LRFN5: variants seen among roughly 807,000 people sequenced by gnomAD.
LRFN5 encodes the protein leucine-rich repeat and fibronectin type-III domain-containing protein 5.
A neutral mutation model predicts 45.6 loss-of-function variants in LRFN5; 24 were observed. The observed-to-expected ratio is 0.53, with a 90% CI of 0.38 to 0.74. LRFN5 has a LOEUF of 0.74. LRFN5 is among the 30% of genes least tolerant of loss of function. The pLI is 0.00. For synonymous variants in LRFN5, 340 were observed against 313.8 expected (o/e 1.08, Z -0.88); for missense variants, 776 against 861.5 (o/e 0.90, Z 1.24).
intron 1 of LRFN5, among the ~76,000 whole-genome samples, chr14:41,626,590 T>A (rs1888342084): frequency 6.6e-6 from 1 of 152,068 alleles, no homozygotes; most frequent in East Asian, 1.9e-4. Flanking sequence ...ATTTGGGGGC[T>A]CTATTTATGT....
intron 1 of LRFN5, among the ~76,000 whole-genome samples, chr14:41,654,040 G>C (rs747789744): frequency 2.0e-5 from 3 of 151,982 alleles, no homozygotes; most frequent in Non-Finnish European, 4.4e-5. Context: ...ACACACCAGG[G>C]CCTGTCGTGG....
intron 2 of LRFN5, among the ~76,000 whole-genome samples, chr14:41,808,144 T>C (rs543121345): frequency 2.7e-5 from 4 of 147,716 alleles, no homozygotes; most frequent in African/African-American, 1.0e-4. Context: ...TTATATGTTA[T>C]ATGTTAAGAA....
intron 2 of LRFN5, among the ~76,000 whole-genome samples, chr14:41,812,396 T>C (rs1322851871): frequency 6.6e-6 from 1 of 151,990 alleles, no homozygotes; most frequent in East Asian, 1.9e-4. Context: ...CTGGGAATTG[T>C]GATAAACTAA....
chr14:41,642,792 T>G (rs1480984000), intron 1 of LRFN5, among the ~76,000 whole-genome samples: 1 of 152,188 alleles, frequency 6.6e-6, no homozygotes, highest in Non-Finnish European at 1.5e-5. Context: ...TTTCTTAACA[T>G]ATTGAACTGT....
At chr14:41,719,451 T>C (rs1365674650) in intron 1 of LRFN5, among the ~76,000 whole-genome samples, 1 of 152,034 alleles carries the variant, frequency 6.6e-6, no homozygotes, top group Non-Finnish European at 1.5e-5. Context: ...TTTTAAGAAA[T>C]TGTTGTTGAA....
intron 1 of LRFN5, among the ~76,000 whole-genome samples, chr14:41,673,634 C>A (rs1402996080): frequency 6.8e-6 from 1 of 147,498 alleles, no homozygotes; most frequent in Non-Finnish European, 1.5e-5. Context: ...GACCCCCCCA[C>A]CTCCCTCCCG....
At chr14:41,736,424 A>T (rs1313162295) in intron 1 of LRFN5, among the ~76,000 whole-genome samples, 2 of 152,122 alleles carry the variant, frequency 1.3e-5, no homozygotes, top group African/African-American at 4.8e-5. Flanking sequence ...GTGTCTGTTC[A>T]CATCCTTTGC....
chr14:41,648,451 G>A (rs1401463108), intron 1 of LRFN5, among the ~76,000 whole-genome samples: 1 of 151,960 alleles, frequency 6.6e-6, no homozygotes, highest in Non-Finnish European at 1.5e-5. Flanking sequence ...GCAACCAAGC[G>A]AGACTTTTGT....
chr14:41,867,543 G>T (rs575508184), intron 2 of LRFN5, among the ~76,000 whole-genome samples: 7 of 152,160 alleles, frequency 4.6e-5, no homozygotes, highest in Middle Eastern at 3.4e-3. Flanking sequence ...TGCCAATTAA[G>T]TTTTGTTTTG....
At chr14:41,659,981 T>A (rs1880569087) in intron 1 of LRFN5, among the ~76,000 whole-genome samples, 1 of 151,792 alleles carries the variant, frequency 6.6e-6, no homozygotes, top group African/African-American at 2.4e-5. Flanking sequence ...AGAAAATTTC[T>A]CCAATTCTGT....
intron 2 of LRFN5, among the ~76,000 whole-genome samples, chr14:41,812,700 G>T (rs1887776549): frequency 2.0e-5 from 3 of 151,932 alleles, no homozygotes; most frequent in Admixed American, 2.0e-4. Context: ...TGAACAAAAT[G>T]ATTTTAATAC....
intron 2 of LRFN5, among the ~76,000 whole-genome samples, chr14:41,795,789 G>A (rs1887104773): frequency 1.3e-5 from 2 of 151,868 alleles, no homozygotes; most frequent in East Asian, 2.0e-4. Flanking sequence ...GTTGGGGGGA[G>A]GGGGGAGGAA....
At chr14:41,610,880 T>TG (rs1887734462) in intron 1 of LRFN5, among the ~76,000 whole-genome samples, 1 of 152,016 alleles carries the variant, frequency 6.6e-6, no homozygotes, top group Non-Finnish European at 1.5e-5. Flanking sequence ...GACCCCACTT[T>TG]GTCCTCCCAA....
chr14:41,872,663 A>G (rs1280119751), intron 2 of LRFN5, among the ~76,000 whole-genome samples: 1 of 152,210 alleles, frequency 6.6e-6, no homozygotes, highest in African/African-American at 2.4e-5. Context: ...CAAACAGCAC[A>G]GGATAAGTGG....
intron 2 of LRFN5, among the ~76,000 whole-genome samples, chr14:41,878,739 C>T (rs1047317427): frequency 4.6e-5 from 7 of 151,986 alleles, no homozygotes; most frequent in Admixed American, 1.3e-4. Context: ...CTTGAAATGG[C>T]TTTACTTAAC....
chr14:41,619,703 C>T (rs1204971692), intron 1 of LRFN5, among the ~76,000 whole-genome samples: 1 of 151,580 alleles, frequency 6.6e-6, no homozygotes, highest in Non-Finnish European at 1.5e-5. Context: ...ATGTATATTG[C>T]AATATATGTA....
chr14:41,891,985 T>C, intron 4 of LRFN5, 23 bp downstream of exon 4: 8 of 1,604,454 alleles, frequency 5.0e-6, no homozygotes, highest in East Asian at 2.2e-5. Flanking sequence ...CTTTGCCTGC[T>C]GAGAGATCCG....
intron 2 of LRFN5, among the ~76,000 whole-genome samples, chr14:41,823,634 T>A (rs1376141650): frequency 6.6e-6 from 1 of 152,174 alleles, no homozygotes; most frequent in Non-Finnish European, 1.5e-5. Flanking sequence ...GAAGTTTGTC[T>A]TGCAATGTAT....
At chr14:41,821,945 T>A (rs1056575376) in intron 2 of LRFN5, among the ~76,000 whole-genome samples, 3 of 151,972 alleles carry the variant, frequency 2.0e-5, no homozygotes, top group African/African-American at 7.2e-5. Flanking sequence ...TGTTTGTGCA[T>A]GTAGAAATGC....
Sources: allele counts gnomAD v4.1 joint callset (sites outside exome capture counted in the v4.1 genomes callset), GRCh38; gene constraint gnomAD v4.1.1; transcripts MANE v1.5; gene names NCBI Gene and HGNC (gene_info 2026-07-23, HGNC 2026-07-21).